DSCAM: variants seen among roughly 807,000 people sequenced by gnomAD.
The protein encoded by DSCAM is DS cell adhesion molecule, also known as cell adhesion molecule DSCAM.
In DSCAM, 47 loss-of-function variants were observed where a neutral mutation model predicts 217.7. That is an observed-to-expected ratio of 0.22 (90% CI 0.17 to 0.28). The LOEUF is 0.28. Among genes scored for constraint, DSCAM ranks in the 10% least tolerant of loss-of-function variants. The pLI is 1.00. For missense variants in DSCAM, 2,080 were observed against 2,618.3 expected (o/e 0.79, Z 4.49); for synonymous variants, 1,056 against 1,015.3 (o/e 1.04, Z -0.76).
intron 8 of DSCAM, among the ~76,000 whole-genome samples, chr21:40,320,423 T>C (rs1478160391): frequency 7.8e-6 from 1 of 127,600 alleles, no homozygotes; most frequent in Non-Finnish European, 1.7e-5. Flanking sequence ...ATTATTAGAA[T>C]TGTATCACAC....
intron 3 of DSCAM, among the ~76,000 whole-genome samples, chr21:40,584,988 C>T (rs2076933379): frequency 6.6e-6 from 1 of 151,934 alleles, no homozygotes; most frequent in Non-Finnish European, 1.5e-5. Flanking sequence ...AGAGTGCTCC[C>T]AAGAGCTGGT....
chr21:40,527,556 G>A (rs1042053584), intron 3 of DSCAM, among the ~76,000 whole-genome samples: 3 of 152,174 alleles, frequency 2.0e-5, no homozygotes, highest in African/African-American at 7.2e-5. Context: ...CTCTCTGACA[G>A]GCAGCTGCTC....
chr21:40,400,998 T>C (rs1051957146), intron 3 of DSCAM, among the ~76,000 whole-genome samples: 6 of 152,238 alleles, frequency 3.9e-5, no homozygotes, highest in South Asian at 2.1e-4. Flanking sequence ...TAATGGTGGA[T>C]ACAGTTTTTC....
chr21:40,707,520 A>G (rs1187155183), intron 2 of DSCAM, among the ~76,000 whole-genome samples: 1 of 152,236 alleles, frequency 6.6e-6, no homozygotes, highest in Non-Finnish European at 1.5e-5. Flanking sequence ...GCAGGAATTC[A>G]GAAACACCTC....
intron 1 of DSCAM, among the ~76,000 whole-genome samples, chr21:40,822,935 A>G (rs1601312762): frequency 6.6e-6 from 1 of 152,226 alleles, no homozygotes; most frequent in East Asian, 1.9e-4. Context: ...GGATCACTTG[A>G]GGTCAAGAGT....
chr21:40,514,636 T>C (rs2076285897), intron 3 of DSCAM, among the ~76,000 whole-genome samples: 1 of 152,194 alleles, frequency 6.6e-6, no homozygotes, highest in South Asian at 2.1e-4. Flanking sequence ...AAACTAACGA[T>C]CCTTTATGAA....
intron 3 of DSCAM, among the ~76,000 whole-genome samples, chr21:40,373,742 C>T (rs892253784): frequency 2.0e-5 from 3 of 152,190 alleles, no homozygotes; most frequent in Admixed American, 6.5e-5. Context: ...GTGCAATAAG[C>T]TCATCCACTT....
chr21:40,549,399 AAAC>A (rs550003495), intron 3 of DSCAM, among the ~76,000 whole-genome samples: 67 of 152,292 alleles, frequency 4.4e-4, no homozygotes, highest in African/African-American at 1.6e-3. Flanking sequence ...AGATAAAAAA[AAAC>A]AACAATGCAT....
intron 11 of DSCAM, among the ~76,000 whole-genome samples, chr21:40,202,749 T>A (rs1378289597): frequency 6.6e-6 from 1 of 152,258 alleles, no homozygotes; most frequent in African/African-American, 2.4e-5. Flanking sequence ...ACTCTGACCA[T>A]GTGATCTTCA....
At chr21:40,698,869 TAAAAAAA>T (rs56775350) in intron 2 of DSCAM, among the ~76,000 whole-genome samples, 3 of 107,970 alleles carry the variant, frequency 2.8e-5, no homozygotes, top group South Asian at 6.1e-4. Context: ...GAATCCGTCT[TAAAAAAA>T]AAAAAAAAAA....
intron 3 of DSCAM, among the ~76,000 whole-genome samples, chr21:40,434,397 C>T (rs953996383): frequency 3.3e-5 from 5 of 152,116 alleles, no homozygotes; most frequent in Admixed American, 2.0e-4. Flanking sequence ...TAAACAAAAC[C>T]CTTTCTTGAA....
intron 3 of DSCAM, among the ~76,000 whole-genome samples, chr21:40,438,373 T>C (rs979708524): frequency 3.3e-5 from 5 of 152,320 alleles, no homozygotes; most frequent in East Asian, 1.9e-4. Flanking sequence ...GTTCCTGATA[T>C]ACAGTAGGCT....
At chr21:40,541,867 A>C (rs901906474) in intron 3 of DSCAM, among the ~76,000 whole-genome samples, 2 of 152,204 alleles carry the variant, frequency 1.3e-5, no homozygotes, top group African/African-American at 4.8e-5. Flanking sequence ...AATAAATTTA[A>C]ATTTCTATTT....
intron 1 of DSCAM, among the ~76,000 whole-genome samples, chr21:40,763,483 T>C (rs765703474): frequency 1.3e-5 from 2 of 152,132 alleles, no homozygotes; most frequent in Non-Finnish European, 2.9e-5. Flanking sequence ...TGCTCATGGA[T>C]AGGAAGAATC....
intron 1 of DSCAM, among the ~76,000 whole-genome samples, chr21:40,795,334 A>G (rs2091682553): frequency 6.7e-6 from 1 of 149,310 alleles, no homozygotes; most frequent in African/African-American, 2.4e-5. Flanking sequence ...GGCTCCAACA[A>G]CTTACATATA....
chr21:40,163,477 C>G (rs913093868), intron 16 of DSCAM, among the ~76,000 whole-genome samples: 1 of 152,068 alleles, frequency 6.6e-6, no homozygotes, highest in African/African-American at 2.4e-5. Context: ...CTTACATTGT[C>G]TTTTGGATTT....
chr21:40,504,801 T>A (rs1366126466), intron 3 of DSCAM, among the ~76,000 whole-genome samples: 1 of 152,206 alleles, frequency 6.6e-6, no homozygotes, highest in African/African-American at 2.4e-5. Context: ...TCTCAGTAAC[T>A]ATTTGCAGTT....
intron 3 of DSCAM, among the ~76,000 whole-genome samples, chr21:40,659,930 T>G (rs992629441): frequency 3.3e-5 from 5 of 152,234 alleles, no homozygotes; most frequent in African/African-American, 7.2e-5. Context: ...AGAAATTGAA[T>G]GTGAATAAAT....
rs535132544 is a variant in DSCAM, at chr21:40,680,042, C to T, written c.508+12768G>A. 4.6e-5 allele frequency among the ~76,000 whole-genome samples: 7 copies of T among 152,284 alleles called. No homozygotes were observed. The East Asian group carries it at 1.2e-3, about 25-fold the overall frequency. On this transcript the variant is annotated intron_variant, in intron 3 of 32. Transcript: ENST00000400454. ...TAAGAAGAAGAAGGACAATGACAAA[C>T]ATTAATGTCAAGCACTGTGCTAAGA...
Sources: allele counts gnomAD v4.1 joint callset (sites outside exome capture counted in the v4.1 genomes callset), GRCh38; gene constraint gnomAD v4.1.1; transcripts MANE v1.5; gene names NCBI Gene and HGNC (gene_info 2026-07-23, HGNC 2026-07-21).